Variants in TMEM165 observed in about 807,000 individuals in gnomAD.
TMEM165 encodes putative divalent cation/proton antiporter TMEM165.
In TMEM165, 19 loss-of-function variants were observed where a neutral mutation model predicts 30.0. The ratio of observed to expected loss-of-function variants is 0.63; its 90% confidence interval spans 0.44 to 0.93. TMEM165 has a LOEUF of 0.93. TMEM165 is among the 40% of genes least tolerant of loss of function. TMEM165 has a pLI of 0.00. For synonymous variants in TMEM165, 168 were observed against 162.9 expected (o/e 1.03, Z -0.24); for missense variants, 340 against 417.0 (o/e 0.82, Z 1.61).
chr4:55,422,008 C>T (rs996519069), intron 4 of TMEM165, among the ~76,000 whole-genome samples: 2 of 152,176 alleles, frequency 1.3e-5, no homozygotes, highest in Admixed American at 1.3e-4. Flanking sequence ...TGGGAATAAG[C>T]CTTGGCTCTG....
downstream of TMEM165, among the ~76,000 whole-genome samples, chr4:55,427,403 CGCAATCTCGGCTCACT>C (rs1722265773): frequency 6.8e-6 from 1 of 146,322 alleles, no homozygotes; most frequent in African/African-American, 2.6e-5. Context: ...AATGCAGTGG[CGCAATCTCGGCTCACT>C]GCAACCTCTG....
chr4:55,423,002 T>G (rs1282761161), intron 4 of TMEM165: 1 of 152,254 alleles, frequency 6.6e-6, no homozygotes, highest in Non-Finnish European at 1.5e-5. Flanking sequence ...TGTAGCATAG[T>G]AGTGTGATCA....
rs376362128 is a variant in TMEM165 at position 55,447,048 on chromosome 4, G to GT, written c.409-5182dup. On this transcript the variant is annotated intron_variant, in intron 3 of 3. Coordinates refer to the TMEM165 transcript ENST00000608091. ...TCAACTCCCTCAAGTTTTTTTTTTTGTTTTTTTTTAAATATTAGTCAAAAT... is the reference window on the plus strand; with the variant it reads ...TCAACTCCCTCAAGTTTTTTTTTTTGTTTTTTTTTTAAATATTAGTCAAAAT... Among the ~76,000 whole-genome samples the GT allele has an allele frequency of 2.0e-3, 294 of 145,798 alleles. 2 individuals carry two copies. The highest frequency in any genetic ancestry group is 6.2e-3 in the South Asian group (28 of 4,536).
At position 55,411,756 on chromosome 4, in the gene TMEM165, C is replaced by A. The variant is rs1216035084; in HGVS notation, c.350C>A (p.Ala117Glu). The A allele has an allele frequency of 8.1e-6, 13 of 1,614,064 alleles. No individual in the cohort carries two copies. Among genetic ancestry groups the A allele is most frequent in the Non-Finnish European group, 1.0e-5 (12 of 1,180,044 alleles). The change falls in exon 2 of 6, where the codon GCA becomes GAA. Residue 117 changes from alanine (A) to glutamate (E), a missense_variant. Ala to Glu is a moderately radical substitution (Grantham distance 107, BLOSUM62 -1). This residue lies in a region of TMEM165 where 220 missense variants were observed against 307.6 expected (regional missense o/e 0.72). Transcript: ENST00000381334. ...TTGGGTGATAAGACATTTTTTATAG[C>A]AGCCATCATGGCAATGCGCTATAAC... is the stretch of plus-strand genomic sequence containing the variant. ...SELGDKTFFIAAIMAMRYNRL... is the reference protein window; with the variant it reads ...SELGDKTFFIEAIMAMRYNRL...
chr4:55,412,944 CTT>C (rs1270953873), intron 2 of TMEM165, among the ~76,000 whole-genome samples: 4 of 151,838 alleles, frequency 2.6e-5, no homozygotes, highest in East Asian at 1.9e-4. Context: ...AAATACATCT[CTT>C]AATGAGATGA....
chr4:55,427,220 AGAT>A (rs921627996), downstream of TMEM165, among the ~76,000 whole-genome samples: 3 of 149,442 alleles, frequency 2.0e-5, no homozygotes, highest in Non-Finnish European at 3.0e-5. Flanking sequence ...TTTTTAGTAG[AGAT>A]GATGGAGTTT....
chr4:55,405,318 T>A (rs1721225998), intron 1 of TMEM165, among the ~76,000 whole-genome samples: 1 of 152,180 alleles, frequency 6.6e-6, no homozygotes, highest in Non-Finnish European at 1.5e-5. Flanking sequence ...AAAAGAAAGT[T>A]GGTTTTCTTT....
intron 1 of TMEM165, among the ~76,000 whole-genome samples, chr4:55,398,414 AGCTAG>A (rs1478767959): frequency 1.3e-5 from 2 of 152,238 alleles, no homozygotes; most frequent in Non-Finnish European, 2.9e-5. Flanking sequence ...CAGAGCTAGA[AGCTAG>A]TTTCAGCAGA....
intron 3 of TMEM165, among the ~76,000 whole-genome samples, chr4:55,450,856 G>A (rs1724378491): frequency 6.6e-6 from 1 of 151,988 alleles, no homozygotes; most frequent in South Asian, 2.1e-4. Context: ...AAACATAGGG[G>A]AGAAAGCCAG....
chr4:55,396,823 A>C (rs1720748444), intron 1 of TMEM165, among the ~76,000 whole-genome samples: 1 of 152,104 alleles, frequency 6.6e-6, no homozygotes. Flanking sequence ...TGCTTACCCA[A>C]ATTCAACTTG....
intron 3 of TMEM165, chr4:55,433,008 A>G (rs1040136742): frequency 1.3e-5 from 2 of 152,618 alleles, no homozygotes; most frequent in African/African-American, 2.4e-5. Flanking sequence ...TGTAGAGGAC[A>G]GGCCTCAATA....
downstream of TMEM165, chr4:55,429,232 T>G (rs1722365627): frequency 6.6e-6 from 1 of 152,222 alleles, no homozygotes; most frequent in African/African-American, 2.4e-5. Flanking sequence ...TTTGAAAACG[T>G]ATCTTCAGTT....
exon 4 of TMEM165, chr4:55,453,083 C>G (rs200583019): frequency 3.4e-5 from 55 of 1,612,434 alleles, no homozygotes; most frequent in Non-Finnish European, 4.4e-5. Flanking sequence ...GGAAGAGACT[C>G]TTCAATGCCA....
exon 4 of TMEM165, chr4:55,452,789 A>G (rs1159565471): frequency 3.7e-6 from 1 of 272,188 alleles, no homozygotes; most frequent in East Asian, 7.4e-5. Context: ...CATAATTCAT[A>G]TAAATAACCT....
intron 1 of TMEM165, among the ~76,000 whole-genome samples, chr4:55,397,924 T>A (rs1359580134): frequency 7.2e-6 from 1 of 138,754 alleles, no homozygotes; most frequent in African/African-American, 2.6e-5. Context: ...TTTTTTTTTT[T>A]GAGAGAGGAG....
Position 55,420,172 on chromosome 4 carries a change from C to T in TMEM165, c.792+2187C>T, listed in dbSNP as rs548982299. On this transcript the variant is annotated intron_variant, in intron 4 of 5. Transcript: ENST00000381334. ...TTTATTTATTTATTTAATGGCTGTA[C>T]CCTATATTCTTCTTGATTTCTAGCC... 3.1e-3 allele frequency among the ~76,000 whole-genome samples: 409 copies of T among 131,672 alleles called. 2 individuals carry two copies. Among genetic ancestry groups the T allele is most frequent in the African/African-American group, 0.011 (395 of 37,072 alleles). The allele number at this position is 131,672 out of a possible 152,430, so 86.4% of individuals were successfully genotyped here.
At chr4:55,418,720 T>C (rs941713386) in intron 4 of TMEM165, among the ~76,000 whole-genome samples, 2 of 152,182 alleles carry the variant, frequency 1.3e-5, no homozygotes, top group African/African-American at 4.8e-5. Flanking sequence ...TTCAGTGACA[T>C]GGAAAAATTT....
intron 1 of TMEM165, among the ~76,000 whole-genome samples, 175 bp downstream of exon 1, chr4:55,396,571 T>TG (rs1477233298): frequency 1.3e-5 from 2 of 152,158 alleles, no homozygotes; most frequent in African/African-American, 4.8e-5. Context: ...GGCCTGGTCT[T>TG]GCCCGCTCCT....
rs766025971 is a variant in TMEM165, at chr4:55,421,297, C to CTTT, written c.793-3222_793-3220dup. Among the ~76,000 whole-genome samples, 370 of 105,834 alleles carry CTTT rather than the reference C, an allele frequency of 3.5e-3. 7 individuals are homozygous for CTTT. Among genetic ancestry groups the CTTT allele is most frequent in the African/African-American group, 0.01 (287 of 27,420 alleles). 69.4% of individuals were successfully genotyped at this position (105,834 alleles called of 152,430 possible). A position where few individuals can be genotyped will look rare whatever the true frequency, so the allele number is the denominator to read the frequency against. ...GAATTTTTAAATATTTTCTTTCTTTCTTTTTTTTTTTTTTTTTTTTTGAGA... is the reference window on the plus strand; with the variant it reads ...GAATTTTTAAATATTTTCTTTCTTTCTTTTTTTTTTTTTTTTTTTTTTTTGAGA... On this transcript the variant is annotated intron_variant, in intron 4 of 5. Transcript: ENST00000381334.
Sources: gnomAD v4.1 joint callset for allele counts (sites outside exome capture counted in the v4.1 genomes callset) on GRCh38, gnomAD v4.1.1 for gene constraint, gnomAD v4.1.1 regional missense constraint, MANE v1.5 for transcripts, NCBI Gene and HGNC (gene_info 2026-07-23, HGNC 2026-07-21) for gene names.